The following TRIP11 variants were observed in gnomAD, a reference collection of about 807,000 sequenced individuals.
TRIP11 encodes the protein thyroid receptor-interacting protein 11.
Under a neutral mutation model 223.1 loss-of-function variants are expected in TRIP11, and 148 were observed. The observed-to-expected ratio is 0.66, with a 90% CI of 0.58 to 0.76. TRIP11 has a LOEUF of 0.76. Among genes scored for constraint, TRIP11 ranks in the 30% least tolerant of loss-of-function variants. The pLI, the probability that TRIP11 is intolerant of heterozygous loss-of-function variation, is 0.00. For synonymous variants in TRIP11, 762 were observed against 772.6 expected, an observed-to-expected ratio of 0.99 and a Z score of 0.23; for missense variants, 2,043 against 2,222.0, an observed-to-expected ratio of 0.92 and a Z score of 1.62.
intron 16 of TRIP11, among the ~76,000 whole-genome samples, chr14:91,980,287 A>G (rs2056521105): frequency 6.6e-6 from 1 of 152,206 alleles, no homozygotes; most frequent in Non-Finnish European, 1.5e-5. Context: ...GAATCATACT[A>G]CATCTTAAAA....
intron 2 of TRIP11, among the ~76,000 whole-genome samples, chr14:92,026,234 G>A (rs926313772): frequency 4.6e-5 from 7 of 152,000 alleles, no homozygotes; most frequent in Non-Finnish European, 8.8e-5. Flanking sequence ...ACCACTACTA[G>A]AACTGTTTGA....
intron 1 of TRIP11, among the ~76,000 whole-genome samples, chr14:92,035,577 A>T (rs1449522558): frequency 2.9e-5 from 3 of 103,584 alleles, no homozygotes; most frequent in Non-Finnish European, 4.2e-5. Context: ...TTATTTATTT[A>T]TTTATTTATT....
At chr14:92,008,000 A>AAAAGGAAACACTGATAGCTGAGATAGAAG in intron 9 of TRIP11, 148 bp from the exon 10 acceptor site, 1 of 663,152 alleles carries the variant, frequency 1.5e-6, no homozygotes. Context: ...ATTGTATGTG[A>AAAAGGAAACACTGATAGCTGAGATAGAAG]AATTCAACAA....
In TRIP11 at chr14:91,966,244, A is replaced by G. The variant is rs564663554; in HGVS notation, c.*3429T>C. ...ACCTTAATAAGTATTTAACTTTTTA[A>G]TAAGTTAAAAAGTAAAGACTGGCAA... is the stretch of plus-strand genomic sequence containing the variant. On this transcript the variant is annotated 3_prime_UTR_variant, in exon 21 of 21. Transcript: ENST00000267622. The G allele has an allele frequency of 7.3e-4, 130 of 177,288 alleles. No homozygotes were observed. The highest frequency in any genetic ancestry group is 2.9e-3 in the African/African-American group (124 of 42,374). The allele number at this position is 177,288 out of a possible 1,614,324, so 11.0% of individuals were successfully genotyped here. A position where few individuals can be genotyped will look rare whatever the true frequency, so the allele number is the denominator to read the frequency against.
At chr14:92,011,250 G>C (rs1453029902) in intron 8 of TRIP11, among the ~76,000 whole-genome samples, 178 bp from the exon 9 acceptor site, 1 of 152,030 alleles carries the variant, frequency 6.6e-6, no homozygotes, top group East Asian at 1.9e-4. Context: ...CCAGCACTTT[G>C]GGAGGCTGAG....
At chr14:92,030,160 G>A (rs2057245577) in intron 2 of TRIP11, among the ~76,000 whole-genome samples, 1 of 132,830 alleles carries the variant, frequency 7.5e-6, no homozygotes, top group Non-Finnish European at 1.5e-5. Context: ...TCCCGCCACT[G>A]CACTCTGCAC....
intron 16 of TRIP11, among the ~76,000 whole-genome samples, chr14:91,981,208 G>T (rs2056539722): frequency 6.6e-6 from 1 of 150,408 alleles, no homozygotes; most frequent in Admixed American, 6.6e-5. Flanking sequence ...TAGAGACGGG[G>T]TTTCTCCATG....
At chr14:91,992,336 T>C (rs575465465) in intron 15 of TRIP11, among the ~76,000 whole-genome samples, 1 of 152,152 alleles carries the variant, frequency 6.6e-6, no homozygotes, top group Non-Finnish European at 1.5e-5. Flanking sequence ...GAATGGGATG[T>C]GAAGGGGTGC....
rs2056800095 is a variant in TRIP11, at chr14:91,999,913, T to C, written c.4698+55A>G. 8 of 1,603,622 alleles carry C rather than the reference T, an allele frequency of 5.0e-6. No homozygotes were observed. In the Admixed American group the frequency reaches 8.3e-5, roughly 17 times the overall value. On this transcript the variant is annotated intron_variant, in intron 12 of 20. Coordinates refer to ENST00000267622, the MANE Select transcript of TRIP11 (RefSeq NM_004239.4). ...TCACTGATCACCTTTCCAGTTCTCT[T>C]AATAGTTATTAAACTTATTGTTTGA... is the stretch of plus-strand genomic sequence containing the variant.
intron 13 of TRIP11, among the ~76,000 whole-genome samples, chr14:91,997,949 T>TA (rs2056771646): frequency 6.6e-6 from 1 of 152,184 alleles, no homozygotes; most frequent in African/African-American, 2.4e-5. Flanking sequence ...TACAGAATGT[T>TA]ACAGCATTTC....
chr14:91,998,253 T>C (rs2056775693), intron 13 of TRIP11, among the ~76,000 whole-genome samples: 1 of 152,202 alleles, frequency 6.6e-6, no homozygotes, highest in South Asian at 2.1e-4. Context: ...TTTGGCAGTA[T>C]AATCTCAGAA....
In TRIP11 at chr14:91,976,031, T is replaced by A. The variant is rs2056459574; in HGVS notation, c.5342+77A>T. 5.0e-6 allele frequency: 7 copies of A among 1,390,406 alleles called. No homozygotes were observed. In the Admixed American group the frequency reaches 1.3e-4, roughly 26 times the overall value. 86.1% of individuals were successfully genotyped at this position (1,390,406 alleles called of 1,614,324 possible). A position where few individuals can be genotyped will look rare whatever the true frequency, so the allele number is the denominator to read the frequency against. On this transcript the variant is annotated intron_variant, in intron 17 of 20. Transcript: ENST00000267622. ...TGAAAAATTTAATCACATATAAACA[T>A]CTACATTTAGAAGTTTTTTTTTAAC...
At chr14:92,008,471 A>C (rs1448154508) in intron 9 of TRIP11, among the ~76,000 whole-genome samples, 1 of 152,100 alleles carries the variant, frequency 6.6e-6, no homozygotes, top group African/African-American at 2.4e-5. Context: ...TTACCTTTTA[A>C]CCAGACTAGG....
rs2057012488 is a variant in TRIP11 at position 92,014,563 on chromosome 14, T to C, written c.838A>G (p.Ile280Val). 1.2e-6 allele frequency: 2 copies of C among 1,603,304 alleles called. No individual in the cohort carries two copies. The highest frequency in any genetic ancestry group is 2.2e-5 in the East Asian group (1 of 44,718). Reference protein sequence around the residue: ...NLLQQGGSGVIETDLSKIYEM... With the variant: ...NLLQQGGSGVVETDLSKIYEM... ...TAGATTTTAGAGAGATCAGTTTCTA[T>C]AACTCCAGAGCCACCTAGAACATAA... Residue 280 changes from isoleucine (I) to valine (V), a missense_variant, in exon 7 of 21, where the codon ATA (isoleucine) becomes GTA (valine). Transcript: ENST00000267622.
At chr14:91,993,546 T>C (rs2056708327) in intron 15 of TRIP11, among the ~76,000 whole-genome samples, 1 of 145,854 alleles carries the variant, frequency 6.9e-6, no homozygotes, top group Non-Finnish European at 1.5e-5. Context: ...GGGTGTTTTT[T>C]CCCCGGAGAC....
Position 92,025,294 on chromosome 14 carries a change from CTG to C in TRIP11, c.312+14_312+15del, listed in dbSNP as rs2057167291. 1 of 1,563,632 alleles carries C rather than the reference CTG, an allele frequency of 6.4e-7. No individual in the cohort carries two copies. The highest frequency in any genetic ancestry group is 8.8e-7 in the Non-Finnish European group (1 of 1,134,926). On this transcript the variant is annotated intron_variant, in intron 3 of 20. Coordinates refer to ENST00000267622, the MANE Select transcript of TRIP11 (RefSeq NM_004239.4). ...TTACAGTGAAGTACATATGAAGTAA[CTG>C]TGATAACATTTACCTCTTTTTGTTG...
At chr14:92,034,278 C>T (rs2057299709) in intron 1 of TRIP11, among the ~76,000 whole-genome samples, 1 of 152,104 alleles carries the variant, frequency 6.6e-6, no homozygotes, top group South Asian at 2.1e-4. Flanking sequence ...CAAAAATTAG[C>T]CGGGTGTGGT....
intron 19 of TRIP11, among the ~76,000 whole-genome samples, chr14:91,974,255 A>G (rs1323639011): frequency 6.6e-6 from 1 of 152,250 alleles, no homozygotes; most frequent in Non-Finnish European, 1.5e-5. Flanking sequence ...AGTTCACAGC[A>G]GGTACTCAGT....
At chr14:91,993,965 G>A (rs1373781753) in intron 14 of TRIP11, 53 bp from the exon 15 acceptor site, 1 of 1,378,312 alleles carries the variant, frequency 7.3e-7, no homozygotes, top group Non-Finnish European at 1.0e-6. Flanking sequence ...TGTTAAGTTA[G>A]AATGTTAAGC....
Sources: gnomAD v4.1 joint callset for allele counts (sites outside exome capture counted in the v4.1 genomes callset) on GRCh38, gnomAD v4.1.1 for gene constraint, MANE v1.5 for transcripts, NCBI Gene and HGNC (gene_info 2026-07-23, HGNC 2026-07-21) for gene names.